SCLT1: variants seen among roughly 807,000 people sequenced by gnomAD.
The protein encoded by SCLT1 is sodium channel and clathrin linker 1.
SCLT1 carries 78 observed loss-of-function variants against 112.8 expected under a neutral mutation model. The observed-to-expected ratio is 0.69, with a 90% CI of 0.58 to 0.83. The LOEUF (loss-of-function observed/expected upper bound fraction) is 0.83, where lower values mean the gene tolerates loss of function less well. Ranked by LOEUF, SCLT1 falls within the 40% of genes least tolerant of loss-of-function variation. The probability of loss-of-function intolerance (pLI) is 0.00; values close to 1 mark genes in which losing one functional copy is unlikely to be tolerated. For missense variants in SCLT1, 747 were observed against 770.4 expected (o/e 0.97, Z 0.36); for synonymous variants, 257 against 254.7 (o/e 1.01, Z -0.09).
chr4:129,083,421 A>AAT (rs1467671889), intron 1 of SCLT1, among the ~76,000 whole-genome samples: 24 of 150,920 alleles, frequency 1.6e-4, no homozygotes, highest in Admixed American at 4.6e-4. Flanking sequence ...GTTATCTTAC[A>AAT]ATAGCACTAT....
chr4:129,041,090 CATA>C (rs1166414755), intron 4 of SCLT1, among the ~76,000 whole-genome samples: 4 of 152,152 alleles, frequency 2.6e-5, no homozygotes, highest in African/African-American at 9.7e-5. Context: ...AACCAAAGTA[CATA>C]ATATGTTATT....
chr4:128,902,911 G>A (rs1734431703), intron 18 of SCLT1, among the ~76,000 whole-genome samples: 1 of 152,014 alleles, frequency 6.6e-6, no homozygotes, highest in Non-Finnish European at 1.5e-5. Flanking sequence ...CGCCTACACA[G>A]GGTCAGGATT....
chr4:128,913,646 G>A (rs1228624378), intron 18 of SCLT1, among the ~76,000 whole-genome samples: 1 of 152,130 alleles, frequency 6.6e-6, no homozygotes, highest in Non-Finnish European at 1.5e-5. Flanking sequence ...CAGGGCTGTG[G>A]TTGGCCAAGG....
At chr4:128,932,898 T>C (rs995992450) in intron 18 of SCLT1, among the ~76,000 whole-genome samples, 1 of 152,022 alleles carries the variant, frequency 6.6e-6, no homozygotes, top group Non-Finnish European at 1.5e-5. Context: ...ACCAAGAAGG[T>C]GAAAAATCTC....
In SCLT1 at chr4:128,947,402, AT is replaced by A. The variant is rs997761793; in HGVS notation, c.1293+1093del. Reference sequence around the variant, plus strand: ...CAAAAGTCCTATTTTGAACACATGTATTTTTTTTTTCACAAATGGAATTGTA... The same window carrying A: ...CAAAAGTCCTATTTTGAACACATGTATTTTTTTTTCACAAATGGAATTGTA... On this transcript the variant is annotated intron_variant, in intron 15 of 20. Transcript: ENST00000281142. 4.7e-4 allele frequency among the ~76,000 whole-genome samples: 70 copies of A among 149,678 alleles called. No individual in the cohort carries two copies. In the East Asian group the frequency reaches 5.1e-3, roughly 11 times the overall value.
At chr4:129,003,235 G>A (rs1162747034) in intron 6 of SCLT1, among the ~76,000 whole-genome samples, 1 of 152,004 alleles carries the variant, frequency 6.6e-6, no homozygotes, top group East Asian at 1.9e-4. Context: ...GTTAAACAAT[G>A]AGAACACATG....
chr4:128,878,679 A>AT (rs536394799), intron 3 of SCLT1, among the ~76,000 whole-genome samples: 1 of 152,140 alleles, frequency 6.6e-6, no homozygotes, highest in African/African-American at 2.4e-5. Flanking sequence ...ACAATTTAAC[A>AT]TTTTTTTGGT....
chr4:128,897,661 C>T (rs1431912531), intron 18 of SCLT1, among the ~76,000 whole-genome samples: 1 of 152,150 alleles, frequency 6.6e-6, no homozygotes, highest in African/African-American at 2.4e-5. Flanking sequence ...GGATCAAATT[C>T]ACACATAACA....
At chr4:129,043,159 G>A (rs1392845326) in intron 4 of SCLT1, among the ~76,000 whole-genome samples, 1 of 151,818 alleles carries the variant, frequency 6.6e-6, no homozygotes, top group Non-Finnish European at 1.5e-5. Flanking sequence ...TGATCTTCCT[G>A]TCTCAGCCTC....
intron 6 of SCLT1, 58 bp from the exon 7 acceptor site, chr4:128,999,852 C>G: frequency 2.6e-6 from 3 of 1,146,846 alleles, no homozygotes; most frequent in Non-Finnish European, 3.7e-6. Context: ...TTGTATAGTA[C>G]AAATGGATCA....
rs1296567256 is a variant in SCLT1 at position 128,942,925 on chromosome 4, C to G, written c.1632+71G>C. ...AAAAGGGGGCCTTAAAGATGTTTTGCTAGGTCTCTCTAAATATTCTCTATA... is the reference window on the plus strand; with the variant it reads ...AAAAGGGGGCCTTAAAGATGTTTTGGTAGGTCTCTCTAAATATTCTCTATA... On this transcript the variant is annotated intron_variant, in intron 17 of 20. Coordinates refer to ENST00000281142, the MANE Select transcript of SCLT1 (RefSeq NM_144643.4). 27 of 1,150,682 alleles carry G rather than the reference C, an allele frequency of 2.3e-5. No homozygotes were observed. The Admixed American group carries it at 6.1e-4, about 26-fold the overall frequency. 71.3% of individuals were successfully genotyped at this position (1,150,682 alleles called of 1,614,324 possible).
rs567161285 is a variant in SCLT1, at chr4:128,916,370, T to C, written c.1829+20285A>G. ...AAAAATGACATTAAACCAAATTGAT[T>C]TGTTACTTTTTTTTGTTCTGAAAAC... On this transcript the variant is annotated intron_variant, in intron 18 of 20. Coordinates refer to ENST00000281142, the MANE Select transcript of SCLT1 (RefSeq NM_144643.4). 6.6e-5 allele frequency among the ~76,000 whole-genome samples: 10 copies of C among 152,332 alleles called. No individual in the cohort carries two copies. The East Asian group carries it at 1.9e-3, about 29-fold the overall frequency.
intron 9 of SCLT1, among the ~76,000 whole-genome samples, chr4:128,988,591 C>T (rs1742301264): frequency 6.6e-6 from 1 of 151,604 alleles, no homozygotes; most frequent in African/African-American, 2.4e-5. Context: ...AATACAACCC[C>T]AGAAAAAAAG....
chr4:128,988,553 G>A (rs1742296945), intron 9 of SCLT1, among the ~76,000 whole-genome samples: 1 of 151,728 alleles, frequency 6.6e-6, no homozygotes, highest in Admixed American at 6.6e-5. Flanking sequence ...CACAAAGGAA[G>A]ACAGAAAGGA....
downstream of SCLT1, among the ~76,000 whole-genome samples, chr4:128,879,922 A>G (rs982355019): frequency 3.9e-5 from 6 of 152,202 alleles, no homozygotes; most frequent in African/African-American, 1.4e-4. Flanking sequence ...TGAAAAAAGG[A>G]CTGTGCTGCC....
At position 129,003,730 on chromosome 4, in the gene SCLT1, A is replaced by G. The variant is rs1342297794; in HGVS notation, c.426+11T>C. The G allele has an allele frequency of 1.9e-6, 3 of 1,584,656 alleles. No homozygotes were observed. Among genetic ancestry groups the G allele is most frequent in the Non-Finnish European group, 8.6e-7 (1 of 1,168,302 alleles). On this transcript the variant is annotated intron_variant, in intron 6 of 20. Transcript: ENST00000281142. ...TTCAGAATATAATTTTTAAAAATAC[A>G]TGTCACTCACTTGATTGGCTAGCTG...
intron 10 of SCLT1, among the ~76,000 whole-genome samples, 157 bp downstream of exon 10, chr4:128,970,221 A>G (rs1053168991): frequency 1.3e-5 from 2 of 152,180 alleles, no homozygotes; most frequent in Admixed American, 1.3e-4. Flanking sequence ...GTTGTTTTCA[A>G]TAATATAGTT....
chr4:128,888,434 T>C (rs1449627143), intron 20 of SCLT1, among the ~76,000 whole-genome samples: 1 of 152,142 alleles, frequency 6.6e-6, no homozygotes, highest in Non-Finnish European at 1.5e-5. Flanking sequence ...TGCAGGATGG[T>C]CTTGAACTCC....
Position 128,943,189 on chromosome 4 carries a change from C to G in SCLT1, c.1440-1G>C. The stretch of plus-strand genomic sequence containing the variant: ...GTAACGTGATATTTCTTCTGAGGAG[C>G]TGATTAAAAAACGAAATGAAAAGAA... On this transcript the variant is annotated splice_acceptor_variant, in intron 16 of 20. Coordinates refer to ENST00000281142, the MANE Select transcript of SCLT1 (RefSeq NM_144643.4). LOFTEE classifies it high-confidence loss of function. 1 of 1,594,016 alleles carries G rather than the reference C, an allele frequency of 6.3e-7. No homozygotes were observed. Among genetic ancestry groups the G allele is most frequent in the Middle Eastern group, 1.7e-4 (1 of 5,946 alleles).
Sources: allele counts gnomAD v4.1 joint callset (sites outside exome capture counted in the v4.1 genomes callset), GRCh38; gene constraint gnomAD v4.1.1; transcripts MANE v1.5; gene names NCBI Gene and HGNC (gene_info 2026-07-23, HGNC 2026-07-21).